EHMT2: variants seen among roughly 807,000 people sequenced by gnomAD.
The protein encoded by EHMT2 is histone-lysine N-methyltransferase EHMT2.
In EHMT2, 59 loss-of-function variants were observed where a neutral mutation model predicts 143.3. The observed-to-expected ratio is 0.41, with a 90% CI of 0.33 to 0.51. EHMT2 has a LOEUF of 0.51. Among genes scored for constraint, EHMT2 ranks in the 20% least tolerant of loss-of-function variants. The pLI is 0.18. For missense variants in EHMT2, 1,174 were observed against 1,645.9 expected (o/e 0.71, Z 4.96); for synonymous variants, 604 against 651.5 (o/e 0.93, Z 1.11).
chr6:31,896,483 C>G (rs1344170813), exon 4 of EHMT2: 1 of 1,612,870 alleles, frequency 6.2e-7, no homozygotes, highest in Non-Finnish European at 8.5e-7. Context: ...ACCCCCCTTG[C>G]TGGGGGAAGA....
At position 31,883,026 on chromosome 6, in the gene EHMT2, A is replaced by C; in HGVS notation, c.2995-17T>G. 1 of 1,608,674 alleles carries C rather than the reference A, an allele frequency of 6.2e-7. No homozygotes were observed. The highest frequency in any genetic ancestry group is 8.5e-7 in the Non-Finnish European group (1 of 1,176,908). ...TCGCCCATCCTAGGGTGCGGAGGGG[A>C]GGATAGTGGTTTCTCTGTGGGGCCC... On this transcript the variant is annotated splice_polypyrimidine_tract_variant and intron_variant, in intron 23 of 27. Coordinates refer to ENST00000375537, the Ensembl canonical transcript of EHMT2. This position sits in a 1 kb window ranked among gnomAD's most constrained non-coding sequence, Gnocchi z 5.6.
rs774689829 is a variant in EHMT2 at position 31,888,059 on chromosome 6, G to A, written c.1727C>T (p.Ala576Val). The A allele has an allele frequency of 3.1e-6, 5 of 1,590,818 alleles. No homozygotes were observed. Among genetic ancestry groups the A allele is most frequent in the Non-Finnish European group, 4.3e-6 (5 of 1,169,120 alleles). The change falls in exon 13 of 28, where the codon GCA (alanine) becomes GTA (valine). Residue 576 changes from alanine (A) to valine (V), a missense_variant. Around this residue, in one of 6 missense-constraint regions of EHMT2, gnomAD observed 608 missense variants for 903.7 expected, o/e 0.67. Transcript: ENST00000375537. The surrounding 1 kb of genome is among the most constrained non-coding windows in gnomAD (Gnocchi z 7.4). Reference sequence around the variant, plus strand: ...CCAGTACCTGGGCTGAGAAGTGTCTGCTCTCCCGGGGACATCCTGGGACAG... The same window carrying A: ...CCAGTACCTGGGCTGAGAAGTGTCTACTCTCCCGGGGACATCCTGGGACAG...
At position 31,889,689 on chromosome 6, in the gene EHMT2, C is replaced by A; in HGVS notation, c.865-87G>T. ...GAAAACCACCACCACCATTGCCCCC[C>A]GCCACTACCCACGGATGGCTGCTGG... On this transcript the variant is annotated intron_variant, in intron 7 of 27. Coordinates refer to ENST00000375537, the Ensembl canonical transcript of EHMT2. The surrounding 1 kb of genome is among the most constrained non-coding windows in gnomAD (Gnocchi z 5.1). The A allele has an allele frequency of 6.5e-7, 1 of 1,540,606 alleles. No individual in the cohort carries two copies. Among genetic ancestry groups the A allele is most frequent in the Non-Finnish European group, 8.8e-7 (1 of 1,130,974 alleles).
chr6:31,897,243 T>G, intron 1 of EHMT2: 1 of 1,101,358 alleles, frequency 9.1e-7, no homozygotes, highest in Non-Finnish European at 1.1e-6. Flanking sequence ...GGGCGGGGCC[T>G]CCGCGCCCCG....
chr6:31,894,809 T>TTTATTA (rs3037244), intron 4 of EHMT2, among the ~76,000 whole-genome samples: 21 of 150,280 alleles, frequency 1.4e-4, no homozygotes, highest in East Asian at 8.0e-4. Flanking sequence ...ACCTGGCTAA[T>TTTATTA]TTATTATTAT....
chr6:31,886,498 G>A, intron 18 of EHMT2, 83 bp downstream of exon 18: 4 of 1,261,090 alleles, frequency 3.2e-6, no homozygotes, highest in South Asian at 1.3e-5. Flanking sequence ...TCAGATGTAG[G>A]AAAGGCGGCC....
intron 7 of EHMT2, 91 bp downstream of exon 7, chr6:31,892,316 A>G (rs1029299425): frequency 6.9e-7 from 1 of 1,444,624 alleles, no homozygotes. Flanking sequence ...AAAAGGACAG[A>G]AAGCAGAAAA....
Position 31,894,611 on chromosome 6 carries a change from C to T in EHMT2, c.582+1652G>A, listed in dbSNP as rs3998219. 1.3e-3 allele frequency among the ~76,000 whole-genome samples: 195 copies of T among 152,152 alleles called. 3 individuals carry two copies. The East Asian group carries it at 0.036, about 28-fold the overall frequency. On this transcript the variant is annotated intron_variant, in intron 4 of 27. Transcript: ENST00000375537. ...ATTGTTTTTTAGATGGTAAATTTTA[C>T]GTGACACTAGTCCCCTCTTATCCAG... is the stretch of plus-strand genomic sequence containing the variant.
intron 4 of EHMT2, chr6:31,893,513 G>C (rs1267650809): frequency 3.1e-6 from 1 of 320,198 alleles, no homozygotes; most frequent in African/African-American, 2.2e-5. Flanking sequence ...TTTTGGTAGA[G>C]AAGAGGTCTT....
Position 31,883,514 on chromosome 6 carries a change from CCCT to C in EHMT2, c.2917-78_2917-76del. ...CCTCTACTCTTGATGCCCCCTGACC[CCCT>C]AACCACTGTCCTTTCTTTGGGGTCC... is the stretch of plus-strand genomic sequence containing the variant. On this transcript the variant is annotated intron_variant, in intron 22 of 27. Coordinates refer to ENST00000375537, the Ensembl canonical transcript of EHMT2. The surrounding 1 kb of genome is among the most constrained non-coding windows in gnomAD (Gnocchi z 5.6). 2 of 1,436,450 alleles carry C rather than the reference CCCT, an allele frequency of 1.4e-6. No homozygotes were observed. Among genetic ancestry groups the C allele is most frequent in the Non-Finnish European group, 1.9e-6 (2 of 1,038,108 alleles). 89.0% of individuals were successfully genotyped at this position (1,436,450 alleles called of 1,614,324 possible).
Position 31,880,984 on chromosome 6 carries a change from G to A in EHMT2, c.3276+30C>T. On this transcript the variant is annotated intron_variant, in intron 26 of 27. Coordinates refer to ENST00000375537, the Ensembl canonical transcript of EHMT2. The surrounding 1 kb of genome is among the most constrained non-coding windows in gnomAD (Gnocchi z 6.6). ...GGCTCCTGAAAGCCAGCCCTGGGGAGCAGCAGGGTAAGGAGGGTCTCCTGC... is the reference window on the plus strand; with the variant it reads ...GGCTCCTGAAAGCCAGCCCTGGGGAACAGCAGGGTAAGGAGGGTCTCCTGC... The A allele has an allele frequency of 6.2e-7, 1 of 1,608,822 alleles. No individual in the cohort carries two copies. The highest frequency in any genetic ancestry group is 8.5e-7 in the Non-Finnish European group (1 of 1,176,376).
At position 31,889,103 on chromosome 6, in the gene EHMT2, G is replaced by T; in HGVS notation, c.1115-33C>A. 6.4e-7 allele frequency: 1 copy of T among 1,572,580 alleles called. No homozygotes were observed. The highest frequency in any genetic ancestry group is 8.7e-7 in the Non-Finnish European group (1 of 1,155,064). The stretch of plus-strand genomic sequence containing the variant: ...AGAGACAGAGAGAGTGAGAGTGCGA[G>T]CTCACAGGTGCCTGGACGCGTGGGT... On this transcript the variant is annotated intron_variant, in intron 9 of 27. Transcript: ENST00000375537. This position sits in a 1 kb window ranked among gnomAD's most constrained non-coding sequence, Gnocchi z 5.1.
chr6:31,893,303 A>G, intron 4 of EHMT2: 1 of 446,340 alleles, frequency 2.2e-6, no homozygotes, highest in South Asian at 1.8e-5. Context: ...ATGGAATAAC[A>G]TTCAGCCATA....
At chr6:31,890,503 T>C (rs534410994) in intron 7 of EHMT2, among the ~76,000 whole-genome samples, 9 of 148,884 alleles carry the variant, frequency 6.0e-5, no homozygotes, top group African/African-American at 2.2e-4. Flanking sequence ...GTGATCCACC[T>C]GCCTCCCAAA....
In EHMT2 at chr6:31,880,693, G is replaced by C; in HGVS notation, c.3432C>G (p.Ile1144Met). The stretch of plus-strand genomic sequence containing the variant: ...CTCACCCTAGCTCCTCCCCAGTCCG[G>C]ATGTCTCGGGAACTGAAGAAGGCGA... Residue 1144 changes from isoleucine (I) to methionine (M), a missense_variant, in exon 27 of 28, where the codon ATC (isoleucine) becomes ATG (methionine). Transcript: ENST00000375537. This position sits in a 1 kb window ranked among gnomAD's most constrained non-coding sequence, Gnocchi z 6.6. The C allele has an allele frequency of 3.7e-6, 6 of 1,613,728 alleles. No homozygotes were observed. Among genetic ancestry groups the C allele is most frequent in the Non-Finnish European group, 5.1e-6 (6 of 1,180,006 alleles).
rs1256309481 is a variant in EHMT2 at position 31,881,300 on chromosome 6, A to G, written c.3198-208T>C. On this transcript the variant is annotated intron_variant, in intron 25 of 27. Coordinates refer to ENST00000375537, the Ensembl canonical transcript of EHMT2. The surrounding 1 kb of genome is among the most constrained non-coding windows in gnomAD (Gnocchi z 4.8). The stretch of plus-strand genomic sequence containing the variant: ...GGAAGCCTTCAGTCAGCACAGAGAC[A>G]GACAACAAGCTCTGTGGTTAAGGGG... The G allele has an allele frequency of 1.6e-6, 1 of 623,242 alleles. No homozygotes were observed. Among genetic ancestry groups the G allele is most frequent in the Non-Finnish European group, 2.9e-6 (1 of 347,466 alleles). The allele number at this position is 623,242 out of a possible 1,614,324, so 38.6% of individuals were successfully genotyped here.
chr6:31,880,267 G>A lies in EHMT2; in HGVS notation c.3453-3C>T, dbSNP rs1442616099. On this transcript the variant is annotated splice_polypyrimidine_tract_variant and splice_region_variant and intron_variant, in intron 27 of 27. Transcript: ENST00000375537. The surrounding 1 kb of genome is among the most constrained non-coding windows in gnomAD (Gnocchi z 6.6). ...AGAAGCGGTCGCCATAGTCAAACCT[G>A]TCAGAGGAAAACAGGAGCTTGTGGG... 1.2e-6 allele frequency: 2 copies of A among 1,608,142 alleles called. No homozygotes were observed. The highest frequency in any genetic ancestry group is 1.7e-5 in the Admixed American group (1 of 59,950).
In EHMT2 at chr6:31,886,414, G is replaced by A. The variant is rs968571048; in HGVS notation, c.2343+167C>T. The A allele has an allele frequency of 1.5e-5, 9 of 620,022 alleles. 1 individual carries two copies. Among genetic ancestry groups the A allele is most frequent in the African/African-American group, 9.2e-5 (5 of 54,314 alleles). The allele number at this position is 620,022 out of a possible 1,614,324, so 38.4% of individuals were successfully genotyped here. A position where few individuals can be genotyped will look rare whatever the true frequency, so the allele number is the denominator to read the frequency against. Reference sequence around the variant, plus strand: ...TGAAACTTGATAAAGAGAAAGAAACGAGAAAGAAAAGAATGAAGAGAAATA... The same window carrying A: ...TGAAACTTGATAAAGAGAAAGAAACAAGAAAGAAAAGAATGAAGAGAAATA... On this transcript the variant is annotated intron_variant, in intron 18 of 27. Coordinates refer to ENST00000375537, the Ensembl canonical transcript of EHMT2.
Position 31,883,804 on chromosome 6 carries a change from A to G in EHMT2, c.2916+2T>C, listed in dbSNP as rs757135435. 6.2e-7 allele frequency: 1 copy of G among 1,610,338 alleles called. No individual in the cohort carries two copies. Among genetic ancestry groups the G allele is most frequent in the South Asian group, 1.1e-5 (1 of 90,868 alleles). ...TGGGGAGGCCCCGGGCCCCCTACTC[A>G]CCTGCAGGTGGGTGATGTTGCGATC... On this transcript the variant is annotated splice_donor_variant, in intron 22 of 27. Transcript: ENST00000375537. LOFTEE classifies it high-confidence loss of function. The surrounding 1 kb of genome is among the most constrained non-coding windows in gnomAD (Gnocchi z 5.6).
Sources: gnomAD v4.1 joint callset for allele counts (sites outside exome capture counted in the v4.1 genomes callset) on GRCh38, gnomAD v4.1.1 for gene constraint, gnomAD v4.1.1 regional missense constraint, Gnocchi (gnomAD v3.1) non-coding constraint, MANE v1.5 for transcripts, NCBI Gene and HGNC (gene_info 2026-07-23, HGNC 2026-07-21) for gene names.